MAGEC3: variants seen among roughly 807,000 people sequenced by gnomAD.
MAGEC3 encodes the protein melanoma-associated antigen C3.
MAGEC3 carries 34 observed loss-of-function variants against 35.3 expected under a neutral mutation model. That is an observed-to-expected ratio of 0.96 (90% confidence interval 0.73 to 1.28). MAGEC3 has a LOEUF of 1.28. Among genes scored for constraint, MAGEC3 ranks in the 50% most tolerant of loss-of-function variants. The probability of loss-of-function intolerance (pLI) is 0.00; values close to 1 mark genes in which losing one functional copy is unlikely to be tolerated. For synonymous variants in MAGEC3, 202 were observed against 185.6 expected (o/e 1.09, Z -0.72); for missense variants, 561 against 483.6 (o/e 1.16, Z -1.50).
chrX:141,896,625 TACCTGCTGCTCCTGA>T (rs1303921247), intron 6 of MAGEC3: 1 of 1,197,520 alleles, frequency 8.4e-7, no homozygotes, highest in Non-Finnish European at 1.1e-6. Flanking sequence ...CTCACACGTT[TACCTGCTGCTCCTGA>T]ACAACAGGCC....
In MAGEC3 at chrX:141,839,477, A is replaced by G. The variant is rs1321808519; in HGVS notation, c.123+1039A>G. On this transcript the variant is annotated intron_variant, in intron 1 of 7. Transcript: ENST00000298296. ...TTCATTCACTCTGCTGTCATATTTGATTATATCTTGAGGTCAAATTGATCT... is the reference window on the plus strand; with the variant it reads ...TTCATTCACTCTGCTGTCATATTTGGTTATATCTTGAGGTCAAATTGATCT... 5.3e-6 allele frequency: 4 copies of G among 751,957 alleles called. No homozygotes were observed. In the East Asian group the frequency reaches 6.1e-4, roughly 115 times the overall value. The allele number at this position is 751,957 out of a possible 1,213,427, so 62.0% of individuals were successfully genotyped here.
intron 2 of MAGEC3, among the ~76,000 whole-genome samples, chrX:141,865,896 G>A (rs775450493): frequency 2.7e-5 from 3 of 111,620 alleles, no homozygotes; most frequent in East Asian, 2.8e-4. Context: ...CTTCCTCTTC[G>A]TGTGAATCCT....
intron 6 of MAGEC3, chrX:141,896,475 G>T: frequency 2.6e-6 from 3 of 1,169,839 alleles, no homozygotes; most frequent in South Asian, 4.1e-5. Context: ...GACCTGTGAG[G>T]CCCTAGAGCA....
At chrX:141,888,957 T>C (rs73577998) in intron 4 of MAGEC3, among the ~76,000 whole-genome samples, 10,597 of 112,253 alleles carry the variant, frequency 0.094, 664 homozygotes, top group African/African-American at 0.22. Flanking sequence ...TCGCCTGTCC[T>C]GCACACAGTG....
intron 2 of MAGEC3, among the ~76,000 whole-genome samples, chrX:141,872,183 AGT>A (rs1358731661): frequency 1.8e-5 from 2 of 111,467 alleles, no homozygotes; most frequent in Non-Finnish European, 3.8e-5. Context: ...GGTCCCTGAT[AGT>A]ATGAACATTA....
In MAGEC3 at chrX:141,895,576, GAATA is replaced by G; in HGVS notation, c.1123+22_1123+25del. On this transcript the variant is annotated intron_variant, in intron 6 of 7. Transcript: ENST00000298296. ...AGGGAGGAGGTGCCAGCCCTCTAGG[GAATA>G]AATAGGAAGACATTGAGGAGGACTG... is the stretch of plus-strand genomic sequence containing the variant. 8.5e-7 allele frequency: 1 copy of G among 1,180,873 alleles called. No homozygotes were observed.
At chrX:141,839,634 C>T (rs996163362) in intron 1 of MAGEC3, 6 of 750,747 alleles carry the variant, frequency 8.0e-6, no homozygotes, top group Non-Finnish European at 9.4e-6. Context: ...ATTATATCTT[C>T]AGTAGATTTT....
chrX:141,894,784 A>G (rs1469437097), intron 4 of MAGEC3: 1 of 967,664 alleles, frequency 1.0e-6, no homozygotes, highest in Non-Finnish European at 1.3e-6. Flanking sequence ...TCACCCCTGG[A>G]CAAAACAGAT....
intron 4 of MAGEC3, chrX:141,894,895 AG>A: frequency 5.0e-6 from 1 of 198,877 alleles, no homozygotes; most frequent in Non-Finnish European, 6.5e-6. Flanking sequence ...AAGGGGTGGG[AG>A]GGGGCAGGTT....
At chrX:141,844,387 A>G (rs1176439384) in intron 1 of MAGEC3, among the ~76,000 whole-genome samples, 3 of 110,986 alleles carry the variant, frequency 2.7e-5, no homozygotes, top group Non-Finnish European at 5.7e-5. Flanking sequence ...TAGTTGCAAT[A>G]TGTGAATTAT....
intron 4 of MAGEC3, among the ~76,000 whole-genome samples, chrX:141,889,224 C>G (rs1569475262): frequency 9.0e-6 from 1 of 111,717 alleles, no homozygotes; most frequent in Non-Finnish European, 1.9e-5. Flanking sequence ...AGGGCTGGGA[C>G]AAAGTTCTCC....
At chrX:141,858,995 T>G (rs150651046) in intron 1 of MAGEC3, among the ~76,000 whole-genome samples, 3,105 of 110,450 alleles carry the variant, frequency 0.028, 47 homozygotes, top group African/African-American at 0.056. Flanking sequence ...ATTATTTTAA[T>G]AGCTATATAA....
chrX:141,893,974 C>T (rs2018063482), intron 4 of MAGEC3, among the ~76,000 whole-genome samples: 1 of 111,766 alleles, frequency 8.9e-6, no homozygotes, highest in Non-Finnish European at 1.9e-5. Flanking sequence ...ATCTAAAATA[C>T]TAAATGGAAG....
chrX:141,876,931 C>T (rs1228744687), intron 2 of MAGEC3, among the ~76,000 whole-genome samples: 7 of 112,372 alleles, frequency 6.2e-5, no homozygotes, highest in Middle Eastern at 9.2e-3. Flanking sequence ...AAATCTCAAA[C>T]TCTTCATTAT....
chrX:141,858,221 T>C (rs1327670770), intron 1 of MAGEC3, among the ~76,000 whole-genome samples: 1 of 111,427 alleles, frequency 9.0e-6, no homozygotes, highest in Non-Finnish European at 1.9e-5. Context: ...CATGCAGCTT[T>C]TTTTGGTAAG....
At position 141,897,343 on chromosome X, in the gene MAGEC3, T is replaced by G. The variant is rs775535606; in HGVS notation, c.1585T>G (p.Leu529Val). 11 of 1,210,153 alleles carry G rather than the reference T, an allele frequency of 9.1e-6. No homozygotes were observed. Among genetic ancestry groups the G allele is most frequent in the African/African-American group, 7.0e-5 (4 of 57,197 alleles). ...CCACTCCTATTTCTTTGAAGACACA[T>G]TAGACCTCACCTATGAGGGAAGCCT... ...DNHSYFFEDTLDLTYEGSLID... is the reference protein window; with the variant it reads ...DNHSYFFEDTVDLTYEGSLID... Residue 529 changes from leucine to valine, a missense_variant, in exon 7 of 8, where the codon TTA (leucine) becomes GTA (valine). Physicochemically the swap from Leu to Val is conservative, Grantham distance 32 (BLOSUM62 1). Transcript: ENST00000298296.
In MAGEC3 at chrX:141,863,091, C is replaced by G. The variant is rs147073658; in HGVS notation, c.124-2380C>G. On this transcript the variant is annotated intron_variant, in intron 1 of 7. Transcript: ENST00000298296. ...TACATATATTTTTATAGCAAAAAAA[C>G]TTAAAAATGATTCTTAAAAATCTTG... Among the ~76,000 whole-genome samples, 964 of 111,727 alleles carry G rather than the reference C, an allele frequency of 8.6e-3. 7 individuals carry two copies. The highest frequency in any genetic ancestry group is 0.03 in the African/African-American group (925 of 30,763).
chrX:141,848,170 T>G lies in MAGEC3; in HGVS notation c.123+9732T>G, dbSNP rs577850348. Reference sequence around the variant, plus strand: ...CTAAAGAGGCAGCTATATAGAGAGATATTTATTTTAATGAATGGTTCACTT... The same window carrying G: ...CTAAAGAGGCAGCTATATAGAGAGAGATTTATTTTAATGAATGGTTCACTT... On this transcript the variant is annotated intron_variant, in intron 1 of 7. Transcript: ENST00000298296. 7.3e-5 allele frequency among the ~76,000 whole-genome samples: 8 copies of G among 109,918 alleles called. No homozygotes were observed. In the South Asian group the frequency reaches 1.9e-3, roughly 26 times the overall value.
chrX:141,847,881 G>GA (rs1328797367), intron 1 of MAGEC3, among the ~76,000 whole-genome samples: 3 of 110,779 alleles, frequency 2.7e-5, no homozygotes, highest in Non-Finnish European at 5.7e-5. Flanking sequence ...ATTAATAAAA[G>GA]AAAAAACAAA....
Sources: gnomAD v4.1 joint callset for allele counts (sites outside exome capture counted in the v4.1 genomes callset) on GRCh38, gnomAD v4.1.1 for gene constraint, MANE v1.5 for transcripts, NCBI Gene and HGNC (gene_info 2026-07-23, HGNC 2026-07-21) for gene names.